The following TBC1D8B variants were observed in gnomAD, a reference collection of about 807,000 sequenced individuals.
The protein encoded by TBC1D8B is TBC1 domain family member 8B, also known as RP11-321G1.1.
TBC1D8B carries 75 observed loss-of-function variants against 82.9 expected under a neutral mutation model. That is an observed-to-expected ratio of 0.90 (90% CI 0.75 to 1.10). The LOEUF is 1.10. TBC1D8B is among the 50% of genes least tolerant of loss of function. The pLI is 0.00. For synonymous variants in TBC1D8B, 276 were observed against 276.8 expected, an observed-to-expected ratio of 1.00 and a Z score of 0.03; for missense variants, 794 against 796.9, an observed-to-expected ratio of 1.00 and a Z score of 0.04.
At chrX:106,809,686 C>G (rs1931301559) in intron 1 of TBC1D8B, among the ~76,000 whole-genome samples, 1 of 109,518 alleles carries the variant, frequency 9.1e-6, no homozygotes, top group South Asian at 4.0e-4. Context: ...GAGTTCGAGA[C>G]CAGCCTGGTC....
At chrX:106,822,877 A>G (rs777302177) in intron 4 of TBC1D8B, among the ~76,000 whole-genome samples, 1 of 109,547 alleles carries the variant, frequency 9.1e-6, no homozygotes, top group Non-Finnish European at 1.9e-5. Context: ...ATGGTGGCAC[A>G]TGCCTGTAGT....
chrX:106,836,203 G>A (rs1932171132), intron 7 of TBC1D8B, among the ~76,000 whole-genome samples: 1 of 111,950 alleles, frequency 8.9e-6, no homozygotes, highest in African/African-American at 3.2e-5. Flanking sequence ...TCACAGGGTG[G>A]AAGGAGAGAG....
In TBC1D8B at chrX:106,850,283, A is replaced by C; in HGVS notation, c.2096A>C (p.Asp699Ala). ...NLDKLLTCKD[D>A]AEAVTALNRF... The stretch of plus-strand genomic sequence containing the variant: ...GACAAACTGCTGACTTGTAAAGATG[A>C]TGCTGAAGCTGTGACAGCCTTAAAC... The change falls in exon 12 of 21, where the codon GAT becomes GCT. Residue 699 changes from aspartate (D) to alanine (A), a missense_variant. Coordinates refer to ENST00000357242, the MANE Select transcript of TBC1D8B (RefSeq NM_017752.3). 8.3e-7 allele frequency: 1 copy of C among 1,207,531 alleles called. No individual in the cohort carries two copies. The highest frequency in any genetic ancestry group is 1.7e-5 in the African/African-American group (1 of 57,789).
At chrX:106,854,727 G>A (rs921282276) in intron 14 of TBC1D8B, among the ~76,000 whole-genome samples, 1 of 110,386 alleles carries the variant, frequency 9.1e-6, no homozygotes, top group African/African-American at 3.3e-5. Flanking sequence ...TGTTTCCCAG[G>A]CTGTCTCAAA....
At position 106,831,690 on chromosome X, in the gene TBC1D8B, G is replaced by T. The variant is rs748480014; in HGVS notation, c.1203+4353G>T. ...TTTTAGTAGCTGAATATGCTCAGTTGTCAAGAAAGGATTTTGTTTCAAAAT... is the reference window on the plus strand; with the variant it reads ...TTTTAGTAGCTGAATATGCTCAGTTTTCAAGAAAGGATTTTGTTTCAAAAT... On this transcript the variant is annotated intron_variant, in intron 7 of 20. Coordinates refer to ENST00000357242, the MANE Select transcript of TBC1D8B (RefSeq NM_017752.3). 2.7e-5 allele frequency among the ~76,000 whole-genome samples: 3 copies of T among 111,765 alleles called. No homozygotes were observed. The South Asian group carries it at 1.1e-3, about 42-fold the overall frequency.
At chrX:106,851,742 A>G (rs1488469499) in intron 12 of TBC1D8B, among the ~76,000 whole-genome samples, 1 of 111,604 alleles carries the variant, frequency 9.0e-6, no homozygotes, top group East Asian at 2.8e-4. Context: ...AAGGACATGA[A>G]CTCATCATTT....
At position 106,802,946 on chromosome X, in the gene TBC1D8B, T is replaced by C; in HGVS notation, c.93T>C (p.Arg31=). Residue 31 remains arginine (R), a synonymous_variant, in exon 1 of 21, where the codon CGT becomes CGC. Transcript: ENST00000357242. ...ACGACTACTTCGTGCTGCAGCGGCGTCGGGGCTACGGGGAGGAAGGCGGAG... is the reference window on the plus strand; with the variant it reads ...ACGACTACTTCGTGCTGCAGCGGCGCCGGGGCTACGGGGAGGAAGGCGGAG... ...RSNDYFVLQR[R]RGYGEEGGGG... is the part of the protein sequence containing the mutation. 1.7e-6 allele frequency: 2 copies of C among 1,209,806 alleles called. No homozygotes were observed. Among genetic ancestry groups the C allele is most frequent in the South Asian group, 3.5e-5 (2 of 56,739 alleles).
intron 7 of TBC1D8B, among the ~76,000 whole-genome samples, chrX:106,830,298 G>A (rs764531972): frequency 2.2e-3 from 241 of 111,589 alleles, no homozygotes; most frequent in African/African-American, 7.4e-3. Context: ...GGAAACAGCA[G>A]GTGCTGGAGG....
rs1160870947 is a variant in TBC1D8B, at chrX:106,802,736, T to C, written c.-118T>C. The C allele has an allele frequency of 5.6e-6, 6 of 1,064,662 alleles. No homozygotes were observed. In the East Asian group the frequency reaches 1.6e-4, roughly 28 times the overall value. The allele number at this position is 1,064,662 out of a possible 1,213,427, so 87.7% of individuals were successfully genotyped here. A position where few individuals can be genotyped will look rare whatever the true frequency, so the allele number is the denominator to read the frequency against. On this transcript the variant is annotated 5_prime_UTR_variant, in exon 1 of 21. Coordinates refer to ENST00000357242, the MANE Select transcript of TBC1D8B (RefSeq NM_017752.3). ...GGGGGAAGTGTGGAAAACCTGAACC[T>C]GAGCTGCTGTCGCCTGAGGAAGATT...
chrX:106,838,863 G>C (rs182942284), intron 7 of TBC1D8B, among the ~76,000 whole-genome samples: 1 of 111,687 alleles, frequency 9.0e-6, no homozygotes, highest in Admixed American at 9.5e-5. Flanking sequence ...CCTAGGGATA[G>C]GGCTTTTAAT....
At chrX:106,842,601 C>CTCTATCTATCTA (rs55764545) in intron 10 of TBC1D8B, among the ~76,000 whole-genome samples, 4 of 95,299 alleles carry the variant, frequency 4.2e-5, no homozygotes, top group African/African-American at 7.6e-5. Flanking sequence ...GGCTAGCTTG[C>CTCTATCTATCTA]TCTATCTATC....
At chrX:106,837,726 C>T (rs763386570) in intron 7 of TBC1D8B, among the ~76,000 whole-genome samples, 20 of 111,549 alleles carry the variant, frequency 1.8e-4, no homozygotes, top group Non-Finnish European at 3.2e-4. Context: ...TCTTTCTGTG[C>T]CTGACTTATT....
At chrX:106,837,917 A>G (rs1281102785) in intron 7 of TBC1D8B, among the ~76,000 whole-genome samples, 1 of 111,598 alleles carries the variant, frequency 9.0e-6, no homozygotes, top group Non-Finnish European at 1.9e-5. Context: ...GCTGCAAGAA[A>G]CATAGGGGTA....
At chrX:106,805,559 G>T (rs1954023367) in intron 1 of TBC1D8B, among the ~76,000 whole-genome samples, 1 of 112,073 alleles carries the variant, frequency 8.9e-6, no homozygotes, top group African/African-American at 3.2e-5. Context: ...CACTTATTTA[G>T]TGGTCAGTTT....
At chrX:106,859,223 T>C (rs774924832) in intron 14 of TBC1D8B, among the ~76,000 whole-genome samples, 1 of 112,219 alleles carries the variant, frequency 8.9e-6, no homozygotes, top group African/African-American at 3.2e-5. Context: ...TTTTCTAGAA[T>C]AGTTTTTTCT....
In TBC1D8B at chrX:106,802,806, G is replaced by A. The variant is rs1931065555; in HGVS notation, c.-48G>A. On this transcript the variant is annotated 5_prime_UTR_variant, in exon 1 of 21. It adds an upstream start codon to the 5' untranslated region. Coordinates refer to ENST00000357242, the MANE Select transcript of TBC1D8B (RefSeq NM_017752.3). ...GGGGAAGAGACGGGTTGAGAGTGAG[G>A]TGAGGAGGGCATCTAGGTCACTGCT... 6 of 1,205,965 alleles carry A rather than the reference G, an allele frequency of 5.0e-6. No homozygotes were observed. The highest frequency in any genetic ancestry group is 6.7e-6 in the Non-Finnish European group (6 of 892,164).
At chrX:106,855,635 C>T (rs764603005) in intron 14 of TBC1D8B, among the ~76,000 whole-genome samples, 11 of 112,202 alleles carry the variant, frequency 9.8e-5, no homozygotes, top group African/African-American at 3.6e-4. Context: ...TGCTGATGTA[C>T]ATTTAATATG....
intron 14 of TBC1D8B, among the ~76,000 whole-genome samples, chrX:106,861,303 A>G (rs1210508294): frequency 9.0e-6 from 1 of 111,221 alleles, no homozygotes; most frequent in East Asian, 2.8e-4. Context: ...TGATGATATG[A>G]CTAATACTGT....
intron 7 of TBC1D8B, among the ~76,000 whole-genome samples, chrX:106,834,741 T>C (rs1345346885): frequency 8.9e-6 from 1 of 112,032 alleles, no homozygotes; most frequent in African/African-American, 3.2e-5. Context: ...ACAGGCCCCA[T>C]ACAAGTCTGA....
Sources: gnomAD v4.1 joint callset for allele counts (sites outside exome capture counted in the v4.1 genomes callset) on GRCh38, gnomAD v4.1.1 for gene constraint, MANE v1.5 for transcripts, NCBI Gene and HGNC (gene_info 2026-07-23, HGNC 2026-07-21) for gene names.